Variants in MPPED2 observed in about 807,000 individuals in gnomAD.
The protein encoded by MPPED2 is metallophosphoesterase domain containing 2.
In MPPED2, 5 loss-of-function variants were observed where a neutral mutation model predicts 33.0. That is an observed-to-expected ratio of 0.15 (90% CI 0.08 to 0.32). The LOEUF (loss-of-function observed/expected upper bound fraction) is 0.32. Among genes scored for constraint, MPPED2 ranks in the 10% least tolerant of loss-of-function variants. The probability of loss-of-function intolerance (pLI) is 1.00; values close to 1 mark genes in which losing one functional copy is unlikely to be tolerated. For synonymous variants in MPPED2, 136 were observed against 141.9 expected, an observed-to-expected ratio of 0.96 and a Z score of 0.29; for missense variants, 275 against 372.1, an observed-to-expected ratio of 0.74 and a Z score of 2.15.
intron 4 of MPPED2, among the ~76,000 whole-genome samples, chr11:30,484,775 G>A (rs559856469): frequency 3.3e-5 from 5 of 152,152 alleles, no homozygotes; most frequent in East Asian, 3.9e-4. Flanking sequence ...TGGTTTCTAC[G>A]TATCCAGATC....
intron 2 of MPPED2, among the ~76,000 whole-genome samples, chr11:30,568,712 G>A (rs550126800): frequency 2.6e-5 from 4 of 152,260 alleles, no homozygotes; most frequent in African/African-American, 9.6e-5. Flanking sequence ...TAAAGAGATT[G>A]GGATAAAAAG....
intron 4 of MPPED2, among the ~76,000 whole-genome samples, chr11:30,447,769 GAAT>G (rs752991078): frequency 3.9e-5 from 6 of 152,126 alleles, no homozygotes; most frequent in Non-Finnish European, 8.8e-5. Context: ...GTCTGCTTCA[GAAT>G]GAATCTTTAC....
chr11:30,514,379 T>G (rs1778037943), intron 3 of MPPED2, among the ~76,000 whole-genome samples: 1 of 152,234 alleles, frequency 6.6e-6, no homozygotes, highest in Admixed American at 6.5e-5. Context: ...TACCTGGAAC[T>G]TCGGCAGCAG....
At chr11:30,565,745 C>T (rs1278627128) in intron 2 of MPPED2, among the ~76,000 whole-genome samples, 1 of 152,178 alleles carries the variant, frequency 6.6e-6, no homozygotes, top group Admixed American at 6.5e-5. Flanking sequence ...ATTTCTGTGC[C>T]ATGTAAAATT....
intron 2 of MPPED2, among the ~76,000 whole-genome samples, chr11:30,571,501 A>G (rs528568235): frequency 8.1e-4 from 123 of 152,316 alleles, no homozygotes; most frequent in African/African-American, 2.3e-3. Context: ...AAAGAAAAAA[A>G]AAGAAGACCA....
At position 30,410,743 on chromosome 11, in the gene MPPED2, G is replaced by C; in HGVS notation, c.*725C>G. 3.0e-6 allele frequency: 3 copies of C among 984,110 alleles called. No individual in the cohort carries two copies. The highest frequency in any genetic ancestry group is 1.2e-6 in the Non-Finnish European group (1 of 828,390). The allele number at this position is 984,110 out of a possible 1,614,324, so 61.0% of individuals were successfully genotyped here. A position where few individuals can be genotyped will look rare whatever the true frequency, so the allele number is the denominator to read the frequency against. Reference sequence around the variant, plus strand: ...ATAAACCCATATTGAAAAGGAGTCTGCATGTTCATTTTTTTAACCGTATGA... The same window carrying C: ...ATAAACCCATATTGAAAAGGAGTCTCCATGTTCATTTTTTTAACCGTATGA... On this transcript the variant is annotated 3_prime_UTR_variant, in exon 7 of 7. Transcript: ENST00000358117.
intron 4 of MPPED2, among the ~76,000 whole-genome samples, chr11:30,493,310 G>A (rs1015373568): frequency 2.7e-5 from 4 of 150,668 alleles, no homozygotes; most frequent in Non-Finnish European, 4.4e-5. Flanking sequence ...GGCGGAGCTT[G>A]CAGTGAGCGG....
At chr11:30,544,253 C>A (rs2134562361) in intron 2 of MPPED2, among the ~76,000 whole-genome samples, 1 of 152,226 alleles carries the variant, frequency 6.6e-6, no homozygotes, top group Non-Finnish European at 1.5e-5. Context: ...GATGTATTGT[C>A]CAGGGTTAAA....
intron 6 of MPPED2, among the ~76,000 whole-genome samples, chr11:30,404,909 G>T (rs1453268308): frequency 6.6e-6 from 1 of 152,104 alleles, no homozygotes; most frequent in Non-Finnish European, 1.5e-5. Context: ...TCATTAAGAA[G>T]GTGTTTCTTC....
intron 2 of MPPED2, among the ~76,000 whole-genome samples, chr11:30,553,869 T>G (rs1340966905): frequency 6.6e-6 from 1 of 152,156 alleles, no homozygotes; most frequent in East Asian, 1.9e-4. Context: ...AAGCCTATAC[T>G]GCAAGGAGGA....
intron 4 of MPPED2, among the ~76,000 whole-genome samples, chr11:30,454,133 C>T (rs1950179176): frequency 6.6e-6 from 1 of 152,196 alleles, no homozygotes; most frequent in Admixed American, 6.5e-5. Flanking sequence ...ACTATTGTTG[C>T]TTGAAAACAA....
chr11:30,485,256 G>T (rs1171762226), intron 4 of MPPED2, among the ~76,000 whole-genome samples: 1 of 151,924 alleles, frequency 6.6e-6, no homozygotes. Flanking sequence ...CCCAAATGAG[G>T]GTAATATTTA....
chr11:30,464,668 A>G (rs577291214), intron 4 of MPPED2, among the ~76,000 whole-genome samples: 1 of 152,356 alleles, frequency 6.6e-6, no homozygotes, highest in South Asian at 2.1e-4. Flanking sequence ...ATCTCTGATC[A>G]ACTTCAGAGA....
intron 4 of MPPED2, among the ~76,000 whole-genome samples, chr11:30,456,765 C>T (rs1352040876): frequency 6.6e-6 from 1 of 152,182 alleles, no homozygotes; most frequent in Non-Finnish European, 1.5e-5. Flanking sequence ...CTGGACCTTT[C>T]CAGTGCCTTA....
rs138076911 is a variant in MPPED2 at position 30,453,820 on chromosome 11, G to A, written c.537-36187C>T. On this transcript the variant is annotated intron_variant, in intron 4 of 6. Coordinates refer to ENST00000358117, the MANE Select transcript of MPPED2 (RefSeq NM_001584.3). ...GATTACTCTCTTCAAAGGCTGGCCA[G>A]GAATCTCAGACTAAGTCTTTCTGAG... Among the ~76,000 whole-genome samples, 69 of 152,320 alleles carry A rather than the reference G, an allele frequency of 4.5e-4. 1 individual carries two copies. Among genetic ancestry groups the A allele is most frequent in the African/African-American group, 1.5e-3 (62 of 41,576 alleles).
chr11:30,439,359 G>T (rs939119919), intron 4 of MPPED2, among the ~76,000 whole-genome samples: 1 of 152,156 alleles, frequency 6.6e-6, no homozygotes, highest in Admixed American at 6.5e-5. Flanking sequence ...TAAAACCTAA[G>T]TGGATGTACA....
At chr11:30,460,439 A>C (rs1320539267) in intron 4 of MPPED2, among the ~76,000 whole-genome samples, 1 of 152,046 alleles carries the variant, frequency 6.6e-6, no homozygotes, top group Non-Finnish European at 1.5e-5. Flanking sequence ...TGGGCAAGAG[A>C]GTGAGATTCC....
intron 2 of MPPED2, among the ~76,000 whole-genome samples, chr11:30,571,479 T>C (rs1590902862): frequency 6.6e-6 from 1 of 151,772 alleles, no homozygotes; most frequent in South Asian, 2.1e-4. Flanking sequence ...CCTTTTACAT[T>C]AAATAACAAA....
In MPPED2 at chr11:30,504,771, C is replaced by T. The variant is rs1373284194; in HGVS notation, c.311-9250G>A. 2.3e-6 allele frequency: 3 copies of T among 1,289,000 alleles called. No homozygotes were observed. In the Admixed American group the frequency reaches 6.9e-5, roughly 30 times the overall value. The allele number at this position is 1,289,000 out of a possible 1,614,324, so 79.8% of individuals were successfully genotyped here. A position where few individuals can be genotyped will look rare whatever the true frequency, so the allele number is the denominator to read the frequency against. ...GGAGCCACACAGCAGGTTCAGACTG[C>T]TACCTTCTCCTCTGAAACTCATGCA... On this transcript the variant is annotated intron_variant, in intron 3 of 6. Coordinates refer to ENST00000358117, the MANE Select transcript of MPPED2 (RefSeq NM_001584.3).
Sources: allele counts gnomAD v4.1 joint callset (sites outside exome capture counted in the v4.1 genomes callset), GRCh38; gene constraint gnomAD v4.1.1; transcripts MANE v1.5; gene names NCBI Gene and HGNC (gene_info 2026-07-23, HGNC 2026-07-21).